Variants in NEBL observed in about 807,000 individuals in gnomAD.
NEBL encodes the protein nebulette, also known as LIM and SH3 protein 2.
Under a neutral mutation model 140.2 loss-of-function variants are expected in NEBL, and 122 were observed. That is an observed-to-expected ratio of 0.87 (90% CI 0.75 to 1.01). The LOEUF is 1.01. NEBL is among the 50% of genes least tolerant of loss of function. The probability of loss-of-function intolerance (pLI) is 0.00; values close to 1 mark genes in which losing one functional copy is unlikely to be tolerated. For synonymous variants in NEBL, 436 were observed against 398.9 expected (o/e 1.09, Z -1.11); for missense variants, 1,365 against 1,231.3 (o/e 1.11, Z -1.62).
chr10:20,828,116 A>G (rs1323299010), intron 17 of NEBL, among the ~76,000 whole-genome samples: 1 of 152,162 alleles, frequency 6.6e-6, no homozygotes, highest in Non-Finnish European at 1.5e-5. Flanking sequence ...CTCTTCCTCA[A>G]AATAAAAATA....
chr10:21,110,642 C>G (rs1001070878), intron 2 of NEBL: 1 of 384,368 alleles, frequency 2.6e-6, no homozygotes, highest in Admixed American at 3.4e-5. Context: ...CATTTATCTC[C>G]ATCCATCTTC....
rs189001015 is a variant in NEBL, at chr10:21,022,463, T to G, written c.165-2262A>C. On this transcript the variant is annotated intron_variant, in intron 2 of 6. Coordinates refer to the NEBL transcript ENST00000417816. ...TGTAGCTCCCACGGAGTCAGATTCG[T>G]GGTAGGAAAATGTACATGCAATTCT... 3.1e-4 allele frequency among the ~76,000 whole-genome samples: 47 copies of G among 152,346 alleles called. 1 individual carries two copies. The East Asian group carries it at 7.9e-3, about 26-fold the overall frequency.
chr10:21,040,146 T>C (rs900374709), intron 2 of NEBL, among the ~76,000 whole-genome samples: 1 of 152,130 alleles, frequency 6.6e-6, no homozygotes, highest in African/African-American at 2.4e-5. Context: ...GGCAGGTGGA[T>C]CACGAGGTCA....
chr10:21,234,116 G>A (rs1842315080), intron 3 of NEBL, among the ~76,000 whole-genome samples: 1 of 150,820 alleles, frequency 6.6e-6, no homozygotes, highest in South Asian at 2.1e-4. Context: ...GGACTGGACT[G>A]GAAATATTAT....
chr10:20,939,002 G>T (rs1476833487), intron 4 of NEBL, among the ~76,000 whole-genome samples: 1 of 152,272 alleles, frequency 6.6e-6, no homozygotes, highest in East Asian at 1.9e-4. Context: ...GAACCAAGTT[G>T]GAAAACACTC....
intron 26 of NEBL, among the ~76,000 whole-genome samples, chr10:20,801,824 T>C (rs1455963816): frequency 6.6e-6 from 1 of 152,020 alleles, no homozygotes; most frequent in Non-Finnish European, 1.5e-5. Flanking sequence ...TGAATACGTA[T>C]TACATGGGAT....
intron 4 of NEBL, among the ~76,000 whole-genome samples, chr10:20,946,516 C>T (rs980176311): frequency 6.6e-6 from 1 of 152,098 alleles, no homozygotes; most frequent in African/African-American, 2.4e-5. Context: ...GGCTGAAGTG[C>T]AGTAGTGTGA....
chr10:20,859,065 C>G lies in NEBL; in HGVS notation c.798+648G>C, dbSNP rs190996042. On this transcript the variant is annotated intron_variant, in intron 8 of 27. Coordinates refer to ENST00000377122, the MANE Select transcript of NEBL (RefSeq NM_006393.3). ...CTCTATTTCTAAGAAAGCAACAGAT[C>G]AATAATACATAATTTTTATACTTGA... Among the ~76,000 whole-genome samples, 601 of 152,136 alleles carry G rather than the reference C, an allele frequency of 4.0e-3. 6 individuals carry two copies. The highest frequency in any genetic ancestry group is 0.014 in the African/African-American group (566 of 41,558).
intron 3 of NEBL, among the ~76,000 whole-genome samples, chr10:21,234,694 G>A (rs563283262): frequency 2.6e-4 from 39 of 152,200 alleles, no homozygotes; most frequent in African/African-American, 8.7e-4. Context: ...AACCTCAGCC[G>A]ACTGGGATCA....
chr10:21,153,483 C>T (rs1273679043), intron 2 of NEBL, among the ~76,000 whole-genome samples: 1 of 151,310 alleles, frequency 6.6e-6, no homozygotes, highest in Non-Finnish European at 1.5e-5. Flanking sequence ...GTGCCCACCA[C>T]TACACCTGGC....
chr10:20,787,491 T>C (rs2131620338), intron 26 of NEBL, among the ~76,000 whole-genome samples, 183 bp from the exon 27 acceptor site: 1 of 152,302 alleles, frequency 6.6e-6, no homozygotes, highest in Non-Finnish European at 1.5e-5. Context: ...ATCTTAGTAA[T>C]TAGGGACACA....
At chr10:21,037,058 G>C (rs544579942) in intron 2 of NEBL, among the ~76,000 whole-genome samples, 3 of 152,266 alleles carry the variant, frequency 2.0e-5, no homozygotes, top group African/African-American at 7.2e-5. Context: ...AGCACTTGTA[G>C]AAGCCCACAG....
intron 2 of NEBL, among the ~76,000 whole-genome samples, chr10:21,092,257 C>T (rs1436800016): frequency 6.6e-6 from 1 of 152,102 alleles, no homozygotes; most frequent in Non-Finnish European, 1.5e-5. Flanking sequence ...CATTGATATG[C>T]CATTACTACA....
chr10:20,905,637 A>C (rs1417462139), intron 4 of NEBL, among the ~76,000 whole-genome samples: 1 of 152,152 alleles, frequency 6.6e-6, no homozygotes, highest in Non-Finnish European at 1.5e-5. Context: ...CCAATAAATG[A>C]CCAGATCTCC....
intron 2 of NEBL, among the ~76,000 whole-genome samples, chr10:21,038,225 G>T (rs527799597): frequency 1.1e-4 from 17 of 152,142 alleles, no homozygotes; most frequent in African/African-American, 4.1e-4. Context: ...TTAAGTTCTG[G>T]GATAGATGTG....
At chr10:21,189,473 T>C (rs1434335205) in intron 3 of NEBL, among the ~76,000 whole-genome samples, 4 of 152,200 alleles carry the variant, frequency 2.6e-5, no homozygotes, top group Non-Finnish European at 5.9e-5. Context: ...TTTGGTTTTT[T>C]TATTTTTTTG....
At chr10:20,825,825 G>A (rs1341863704) in intron 18 of NEBL, among the ~76,000 whole-genome samples, 1 of 152,092 alleles carries the variant, frequency 6.6e-6, no homozygotes, top group African/African-American at 2.4e-5. Context: ...AACAGAAGAG[G>A]ACCCCTCCCC....
intron 3 of NEBL, among the ~76,000 whole-genome samples, chr10:20,977,124 T>C: frequency 6.6e-6 from 1 of 152,068 alleles, no homozygotes; most frequent in East Asian, 1.9e-4. Flanking sequence ...ACACCCAAAG[T>C]CAAATCTCCC....
chr10:21,112,679 C>T (rs545550891), intron 2 of NEBL: 2 of 151,516 alleles, frequency 1.3e-5, no homozygotes, highest in African/African-American at 4.9e-5. Context: ...AAACATGGCA[C>T]ATGTATACCT....
Sources: allele counts gnomAD v4.1 joint callset (sites outside exome capture counted in the v4.1 genomes callset), GRCh38; gene constraint gnomAD v4.1.1; transcripts MANE v1.5; gene names NCBI Gene and HGNC (gene_info 2026-07-23, HGNC 2026-07-21).